ZBTB8OS: variants seen among roughly 807,000 people sequenced by gnomAD.
ZBTB8OS encodes the protein tRNA splicing ligase complex subunit 1, also known as tRNA-splicing ligase-activating factor archease.
Under a neutral mutation model 29.3 loss-of-function variants are expected in ZBTB8OS, and 16 were observed. That is an observed-to-expected ratio of 0.55 (90% confidence interval 0.37 to 0.83). The LOEUF (loss-of-function observed/expected upper bound fraction) is 0.83. Ranked by LOEUF, ZBTB8OS falls within the 40% of genes least tolerant of loss-of-function variation. The pLI, the probability that ZBTB8OS is intolerant of heterozygous loss-of-function variation, is 0.00. For synonymous variants in ZBTB8OS, 70 were observed against 64.6 expected, an observed-to-expected ratio of 1.08 and a Z score of -0.40; for missense variants, 160 against 196.9, an observed-to-expected ratio of 0.81 and a Z score of 1.12.
At chr1:32,629,447 G>C (rs764225193) in intron 5 of ZBTB8OS, among the ~76,000 whole-genome samples, 6 of 151,916 alleles carry the variant, frequency 3.9e-5, no homozygotes, top group Admixed American at 6.6e-5. Flanking sequence ...AAACAAAAAA[G>C]AAAAACAAAA....
At chr1:32,650,866 C>G, upstream of ZBTB8OS, 1 of 484,770 alleles carries the variant, frequency 2.1e-6, no homozygotes, top group East Asian at 3.7e-5. Flanking sequence ...GACCCGAAGG[C>G]ATTCTAGATT....
chr1:32,627,687 G>C (rs982284049), intron 5 of ZBTB8OS, 143 bp from the exon 6 acceptor site: 2 of 702,732 alleles, frequency 2.8e-6, no homozygotes, highest in African/African-American at 3.6e-5. Context: ...ATTTTCATTT[G>C]TCAGAAGATA....
At position 32,634,785 on chromosome 1, in the gene ZBTB8OS, A is replaced by G. The variant is rs750320288; in HGVS notation, c.105T>C (p.Asp35=). The change falls in exon 2 of 7, where the codon GAT becomes GAC. Residue 35 remains aspartate, a synonymous_variant. Coordinates refer to ENST00000468695, the MANE Select transcript of ZBTB8OS (RefSeq NM_178547.5). The part of the protein sequence containing the change: ...PPVNRKYEYL[D]HTADVQLHAW... ...ATACTCACTGGACATCTGCTGTATG[A>G]TCCAAATCTGAGGGACAGAGGGAAA... The G allele has an allele frequency of 2.2e-5, 36 of 1,612,932 alleles. No individual in the cohort carries two copies. Among genetic ancestry groups the G allele is most frequent in the Non-Finnish European group, 3.1e-5 (36 of 1,178,936 alleles).
chr1:32,622,699 A>G (rs554722278), intron 6 of ZBTB8OS, among the ~76,000 whole-genome samples: 231 of 152,038 alleles, frequency 1.5e-3, no homozygotes, highest in African/African-American at 5.4e-3. Context: ...TCGTATATGT[A>G]CCCCATGAAC....
chr1:32,649,477 C>T (rs1008091423), intron 1 of ZBTB8OS, among the ~76,000 whole-genome samples: 4 of 151,936 alleles, frequency 2.6e-5, no homozygotes, highest in Non-Finnish European at 5.9e-5. Context: ...GACAGCTTAA[C>T]GTTTAATATA....
At chr1:32,622,700 C>G (rs918386149) in intron 6 of ZBTB8OS, among the ~76,000 whole-genome samples, 1 of 150,860 alleles carries the variant, frequency 6.6e-6, no homozygotes, top group African/African-American at 2.4e-5. Flanking sequence ...CGTATATGTA[C>G]CCCATGAACC....
At chr1:32,633,773 A>C (rs893110654) in intron 3 of ZBTB8OS, 46 bp from the exon 4 acceptor site, 3 of 1,512,292 alleles carry the variant, frequency 2.0e-6, no homozygotes, top group Admixed American at 4.3e-5. Flanking sequence ...GTCTCTAAAA[A>C]CATACTTGAA....
In ZBTB8OS at chr1:32,626,550, CTTTTA is replaced by C. The variant is rs546807317; in HGVS notation, c.417+953_417+957del. 5.1e-3 allele frequency among the ~76,000 whole-genome samples: 768 copies of C among 151,880 alleles called. 3 individuals carry two copies. The highest frequency in any genetic ancestry group is 8.6e-3 in the Non-Finnish European group (583 of 67,878). On this transcript the variant is annotated intron_variant, in intron 6 of 6. Transcript: ENST00000468695. Reference sequence around the variant, plus strand: ...TGATTTTTACATCTTTATTTATTTACTTTTATTTTATTTTTTTGAGACCAGTCTCG... The same window carrying C: ...TGATTTTTACATCTTTATTTATTTACTTTTATTTTTTTGAGACCAGTCTCG...
intron 6 of ZBTB8OS, among the ~76,000 whole-genome samples, chr1:32,626,349 G>T (rs1298117791): frequency 6.6e-6 from 1 of 152,156 alleles, no homozygotes; most frequent in Non-Finnish European, 1.5e-5. Flanking sequence ...CTAGGTTTGT[G>T]TAAGTACACT....
Position 32,621,964 on chromosome 1 carries a change from G to GATA in ZBTB8OS, c.418-17_418-16insTAT. On this transcript the variant is annotated splice_polypyrimidine_tract_variant and intron_variant, in intron 6 of 6. Transcript: ENST00000468695. ...CTTCTGTTCCCTAAAGTTGGGGTTA[G>GATA]AGAAAAAAAAAAAAAAAAGGAAAAT... is the stretch of plus-strand genomic sequence containing the variant. The GATA allele has an allele frequency of 9.8e-7, 1 of 1,022,912 alleles. No individual in the cohort carries two copies. Among genetic ancestry groups the GATA allele is most frequent in the Non-Finnish European group, 1.3e-6 (1 of 762,568 alleles). 63.4% of individuals were successfully genotyped at this position (1,022,912 alleles called of 1,614,324 possible). A position where few individuals can be genotyped will look rare whatever the true frequency, so the allele number is the denominator to read the frequency against.
chr1:32,634,426 C>T (rs1448647735), intron 2 of ZBTB8OS: 9 of 343,980 alleles, frequency 2.6e-5, no homozygotes, highest in African/African-American at 4.2e-5. Context: ...GGGGTTTTAC[C>T]ATGTTGGTCA....
intron 1 of ZBTB8OS, among the ~76,000 whole-genome samples, chr1:32,642,973 G>A (rs1197818807): frequency 6.8e-6 from 1 of 147,428 alleles, no homozygotes; most frequent in African/African-American, 2.5e-5. Flanking sequence ...GTTTCACCAT[G>A]TTGGCCAGGC....
chr1:32,623,944 C>CG (rs745771928), intron 6 of ZBTB8OS, among the ~76,000 whole-genome samples: 4 of 152,098 alleles, frequency 2.6e-5, no homozygotes, highest in Non-Finnish European at 5.9e-5. Context: ...CATTGAATCA[C>CG]GGGGGCGGTT....
intron 5 of ZBTB8OS, among the ~76,000 whole-genome samples, chr1:32,630,415 T>C (rs986806535): frequency 6.6e-6 from 1 of 151,596 alleles, no homozygotes; most frequent in Non-Finnish European, 1.5e-5. Flanking sequence ...TAGCTGGGCA[T>C]GGTAGTGCGC....
intron 1 of ZBTB8OS, among the ~76,000 whole-genome samples, chr1:32,647,424 G>A (rs566563009): frequency 5.8e-4 from 79 of 136,530 alleles, no homozygotes; most frequent in Non-Finnish European, 1.0e-3. Flanking sequence ...ATGACAAAGC[G>A]AGACTCTGTC....
intron 6 of ZBTB8OS, 126 bp from the exon 7 acceptor site, chr1:32,622,074 T>C (rs1644794396): frequency 1.5e-6 from 1 of 647,260 alleles, no homozygotes; most frequent in South Asian, 2.2e-5. Flanking sequence ...AAAACTCACA[T>C]GAAACAATTA....
At chr1:32,631,941 C>G (rs1040287869) in intron 4 of ZBTB8OS, 62 bp from the exon 5 acceptor site, 1 of 613,182 alleles carries the variant, frequency 1.6e-6, no homozygotes, top group Non-Finnish European at 2.2e-6. Flanking sequence ...TACTAAAAAT[C>G]TTTTTGTTCT....
At chr1:32,637,102 A>T (rs1031451246) in intron 1 of ZBTB8OS, among the ~76,000 whole-genome samples, 1 of 151,952 alleles carries the variant, frequency 6.6e-6, no homozygotes, top group African/African-American at 2.4e-5. Flanking sequence ...CTCTGACTCT[A>T]CTAAGTCCCC....
chr1:32,621,659 T>C lies in ZBTB8OS; in HGVS notation c.*203A>G. 1 of 536,952 alleles carries C rather than the reference T, an allele frequency of 1.9e-6. No homozygotes were observed. The highest frequency in any genetic ancestry group is 3.4e-5 in the East Asian group (1 of 29,612). 33.3% of individuals were successfully genotyped at this position (536,952 alleles called of 1,614,324 possible). On this transcript the variant is annotated 3_prime_UTR_variant, in exon 7 of 7. Coordinates refer to ENST00000468695, the MANE Select transcript of ZBTB8OS (RefSeq NM_178547.5). Reference sequence around the variant, plus strand: ...TCCCTTGGGGGGTTGAAGAATTCTTTAAAGTGTGAATATTTGGGGAACACA... The same window carrying C: ...TCCCTTGGGGGGTTGAAGAATTCTTCAAAGTGTGAATATTTGGGGAACACA...
Sources: allele counts gnomAD v4.1 joint callset (sites outside exome capture counted in the v4.1 genomes callset), GRCh38; gene constraint gnomAD v4.1.1; transcripts MANE v1.5; gene names NCBI Gene and HGNC (gene_info 2026-07-23, HGNC 2026-07-21).